ADORA2B: variants seen among roughly 807,000 people sequenced by gnomAD.
The protein encoded by ADORA2B is adenosine A2b receptor, also known as adenosine receptor A2b.
Under a neutral mutation model 20.8 loss-of-function variants are expected in ADORA2B, and 18 were observed. The ratio of observed to expected loss-of-function variants is 0.87; its 90% CI spans 0.60 to 1.29. The LOEUF is 1.29. ADORA2B is among the 50% of genes most tolerant of loss of function. ADORA2B has a pLI of 0.00. For synonymous variants in ADORA2B, 179 were observed against 178.3 expected (o/e 1.00, Z -0.03); for missense variants, 441 against 422.7 (o/e 1.04, Z -0.38).
Position 15,945,589 on chromosome 17 carries a change from GC to G in ADORA2B, c.335+7del, listed in dbSNP as rs1417492566. 14 of 1,478,754 alleles carry G rather than the reference GC, an allele frequency of 9.5e-6. No homozygotes were observed. The highest frequency in any genetic ancestry group is 1.2e-5 in the Non-Finnish European group (13 of 1,118,056). The allele number at this position is 1,478,754 out of a possible 1,614,324, so 91.6% of individuals were successfully genotyped here. On this transcript the variant is annotated splice_region_variant and intron_variant, in intron 1 of 1. Coordinates refer to ENST00000304222, the MANE Select transcript of ADORA2B (RefSeq NM_000676.4). ...GCCATCTGTGTCCCGCTCAGGTGAG[GC>G]GCTCGGCGTCGCCCGAACTCGGGGC...
At chr17:15,923,207 T>TTC in the ADORA2B span, among the ~76,000 whole-genome samples, 9 of 83,694 alleles carry the variant, frequency 1.1e-4, no homozygotes, top group African/African-American at 5.7e-4. Flanking sequence ...CTTTTTTTAA[T>TTC]TTTTTTTTTT....
chr17:15,916,471 C>G, the ADORA2B span, among the ~76,000 whole-genome samples: 2 of 146,418 alleles, frequency 1.4e-5, no homozygotes, highest in African/African-American at 4.9e-5. Context: ...CTTTTAGGGG[C>G]TCACAACTCT....
rs1009770507 is a variant in ADORA2B, at chr17:15,975,436, C to A, written c.*94C>A. 4.5e-6 allele frequency: 6 copies of A among 1,338,278 alleles called. No homozygotes were observed. In the Admixed American group the frequency reaches 6.3e-5, roughly 14 times the overall value. The allele number at this position is 1,338,278 out of a possible 1,614,324, so 82.9% of individuals were successfully genotyped here. On this transcript the variant is annotated 3_prime_UTR_variant, in exon 2 of 2. Coordinates refer to ENST00000304222, the MANE Select transcript of ADORA2B (RefSeq NM_000676.4). ...CATTGTGAAAGATAGCTACACCTCA[C>A]AAGGAAATGGACTGCCTCTCTTGAG...
Position 15,963,311 on chromosome 17 carries a change from G to T in ADORA2B, c.336-11368G>T, listed in dbSNP as rs1165437193. Among the ~76,000 whole-genome samples the T allele has an allele frequency of 6.6e-5, 10 of 152,146 alleles. No individual in the cohort carries two copies. The East Asian group carries it at 1.3e-3, about 21-fold the overall frequency. On this transcript the variant is annotated intron_variant, in intron 1 of 1. Transcript: ENST00000304222. ...TAAGATACTTACAGTCCCCAAACAC[G>T]TACCACAAGATACCTGCTAATTAAA...
At position 15,974,857 on chromosome 17, in the gene ADORA2B, CTCTT is replaced by C; in HGVS notation, c.516_519del (p.Phe173ArgfsTer6). ...TGAAAGCTGCTGCCTTGTGAAGTGTCTCTTTGAGAATGTGGTCCCCATGAGCTAC... is the reference window on the plus strand; with the variant it reads ...TGAAAGCTGCTGCCTTGTGAAGTGTCTGAGAATGTGGTCCCCATGAGCTAC... On this transcript the variant is annotated frameshift_variant, in exon 2 of 2. Transcript: ENST00000304222. LOFTEE classifies it high-confidence loss of function. The C allele has an allele frequency of 6.2e-7, 1 of 1,614,110 alleles. No homozygotes were observed. The highest frequency in any genetic ancestry group is 8.5e-7 in the Non-Finnish European group (1 of 1,180,024).
chr17:15,863,614 A>G, the ADORA2B span, among the ~76,000 whole-genome samples: 2 of 152,110 alleles, frequency 1.3e-5, no homozygotes, highest in African/African-American at 4.8e-5. Context: ...TCAGCTTTCC[A>G]AAGTGCTGGG....
At chr17:15,932,006 C>G in the ADORA2B span, among the ~76,000 whole-genome samples, 1 of 152,122 alleles carries the variant, frequency 6.6e-6, no homozygotes, top group Non-Finnish European at 1.5e-5. Context: ...GCTGGGATTA[C>G]AGGTGTGAAC....
upstream of ADORA2B, among the ~76,000 whole-genome samples, chr17:15,940,191 C>T (rs1226575984): frequency 6.6e-6 from 1 of 152,198 alleles, no homozygotes; most frequent in East Asian, 1.9e-4. Context: ...GAACTTAAAG[C>T]CCGTCAGTGT....
the ADORA2B span, among the ~76,000 whole-genome samples, chr17:15,905,001 A>G: frequency 2.0e-5 from 3 of 152,096 alleles, no homozygotes; most frequent in Admixed American, 2.0e-4. Context: ...TCTTTTCAGA[A>G]TGTTTTAGCT....
the ADORA2B span, among the ~76,000 whole-genome samples, chr17:15,904,382 GT>G: frequency 1.4e-5 from 2 of 142,318 alleles, no homozygotes; most frequent in South Asian, 4.4e-4. Context: ...TAGAACTTTT[GT>G]ACTTCTGCTT....
chr17:15,934,347 T>G, the ADORA2B span, among the ~76,000 whole-genome samples: 1 of 152,136 alleles, frequency 6.6e-6, no homozygotes, highest in African/African-American at 2.4e-5. Flanking sequence ...TGCCTCAGCC[T>G]CCCAAGTAGC....
chr17:15,868,791 T>A, the ADORA2B span, among the ~76,000 whole-genome samples: 7 of 148,500 alleles, frequency 4.7e-5, no homozygotes, highest in African/African-American at 1.7e-4. Flanking sequence ...AAAAAAAAAA[T>A]ACAAAAAAAC....
chr17:15,963,207 C>T (rs1487046958), intron 1 of ADORA2B, among the ~76,000 whole-genome samples: 2 of 152,080 alleles, frequency 1.3e-5, no homozygotes, highest in African/African-American at 2.4e-5. Flanking sequence ...CACCATTTCA[C>T]GACTGTCATA....
the ADORA2B span, among the ~76,000 whole-genome samples, chr17:15,879,624 G>A: frequency 3.4e-5 from 5 of 146,930 alleles, no homozygotes; most frequent in East Asian, 6.0e-4. Flanking sequence ...TGCAAGCTCC[G>A]CCTCCTGGGT....
the ADORA2B span, among the ~76,000 whole-genome samples, chr17:15,908,112 C>T: frequency 5.9e-5 from 9 of 152,030 alleles, no homozygotes; most frequent in African/African-American, 2.2e-4. Flanking sequence ...GAGACTTGCT[C>T]TGTCCACCCA....
the ADORA2B span, among the ~76,000 whole-genome samples, chr17:15,922,494 CA>C: frequency 6.6e-6 from 1 of 152,036 alleles, no homozygotes; most frequent in South Asian, 2.1e-4. Flanking sequence ...GCCATAAAAC[CA>C]ACCATCCAGA....
intron 1 of ADORA2B, among the ~76,000 whole-genome samples, chr17:15,949,669 G>A (rs1969870334): frequency 1.3e-5 from 2 of 151,884 alleles, no homozygotes; most frequent in Admixed American, 6.6e-5. Context: ...GTCAGAGTTC[G>A]AGACCAGCCT....
intron 1 of ADORA2B, 140 bp downstream of exon 1, chr17:15,945,723 C>A: frequency 1.3e-6 from 1 of 770,712 alleles, no homozygotes; most frequent in Non-Finnish European, 2.0e-6. Context: ...GGGCTGGTTC[C>A]CAGCCTGGCC....
In ADORA2B at chr17:15,945,393, C is replaced by G; in HGVS notation, c.145C>G (p.Leu49Val). Residue 49 changes from leucine (L) to valine (V), a missense_variant, in exon 1 of 2, where the codon CTG (leucine) becomes GTG (valine). Transcript: ENST00000304222. Reference sequence around the variant, plus strand: ...GCCCACCAACTACTTCCTGGTGTCCCTGGCTGCGGCCGACGTGGCCGTGGG... The same window carrying G: ...GCCCACCAACTACTTCCTGGTGTCCGTGGCTGCGGCCGACGTGGCCGTGGG... ...QTPTNYFLVS[L>V]AAADVAVGLF... 2.5e-6 allele frequency: 4 copies of G among 1,613,296 alleles called. No homozygotes were observed. The highest frequency in any genetic ancestry group is 3.4e-6 in the Non-Finnish European group (4 of 1,179,950).
Sources: gnomAD v4.1 joint callset for allele counts (sites outside exome capture counted in the v4.1 genomes callset) on GRCh38, gnomAD v4.1.1 for gene constraint, MANE v1.5 for transcripts, NCBI Gene and HGNC (gene_info 2026-07-23, HGNC 2026-07-21) for gene names.